STK3: variants seen among roughly 807,000 people sequenced by gnomAD.
STK3 encodes serine/threonine-protein kinase 3.
STK3 carries 41 observed loss-of-function variants against 58.0 expected under a neutral mutation model. The observed-to-expected ratio is 0.71, with a 90% CI of 0.55 to 0.92. The LOEUF (loss-of-function observed/expected upper bound fraction) is 0.92, where lower values mean the gene tolerates loss of function less well. Ranked by LOEUF, STK3 falls within the 40% of genes least tolerant of loss-of-function variation. The probability of loss-of-function intolerance (pLI) is 0.00; values close to 1 mark genes in which losing one functional copy is unlikely to be tolerated. For synonymous variants in STK3, 170 were observed against 191.0 expected, an observed-to-expected ratio of 0.89 and a Z score of 0.91; for missense variants, 479 against 602.7, an observed-to-expected ratio of 0.79 and a Z score of 2.15.
intron 10 of STK3, among the ~76,000 whole-genome samples, chr8:98,506,322 G>T (rs1034348466): frequency 6.6e-6 from 1 of 152,186 alleles, no homozygotes. Context: ...CCCTTGGCTA[G>T]GAAAGGGAAA....
chr8:98,584,883 T>C (rs1456700023), intron 7 of STK3, among the ~76,000 whole-genome samples: 2 of 151,762 alleles, frequency 1.3e-5, no homozygotes, highest in African/African-American at 4.8e-5. Flanking sequence ...GTTTTTTAGC[T>C]GCATAAATGT....
At chr8:98,650,195 A>C (rs1820768938) in intron 6 of STK3, among the ~76,000 whole-genome samples, 1 of 152,250 alleles carries the variant, frequency 6.6e-6, no homozygotes, top group African/African-American at 2.4e-5. Flanking sequence ...TTCTTTTCTA[A>C]TGTTCATACA....
At chr8:98,598,730 A>C (rs920871640) in intron 6 of STK3, 5 of 985,304 alleles carry the variant, frequency 5.1e-6, no homozygotes, top group Admixed American at 1.2e-4. Flanking sequence ...ACAGCCATAT[A>C]ATTTATCTTA....
intron 1 of STK3, among the ~76,000 whole-genome samples, chr8:98,913,063 A>T (rs542459718): frequency 6.6e-6 from 1 of 152,220 alleles, no homozygotes; most frequent in Non-Finnish European, 1.5e-5. Context: ...GTGAGCCACT[A>T]CACACAGCCC....
At chr8:98,609,962 G>A (rs543027337) in intron 6 of STK3, among the ~76,000 whole-genome samples, 9 of 144,202 alleles carry the variant, frequency 6.2e-5, no homozygotes, top group South Asian at 2.2e-4. Context: ...GTGAGACTCC[G>A]TCTCAAAAAA....
chr8:98,644,480 A>T lies in STK3; in HGVS notation c.685-48311T>A, dbSNP rs185965508. The stretch of plus-strand genomic sequence containing the variant: ...AAGTCTTTAGAAAAGCTTCTGAGAA[A>T]ATTGATTTCCTTATGTTGTTTACAG... On this transcript the variant is annotated intron_variant, in intron 6 of 10. Coordinates refer to ENST00000419617, the MANE Select transcript of STK3 (RefSeq NM_006281.4). 2.0e-4 allele frequency among the ~76,000 whole-genome samples: 31 copies of T among 152,306 alleles called. 1 individual carries two copies. Among genetic ancestry groups the T allele is most frequent in the African/African-American group, 7.2e-4 (30 of 41,590 alleles).
intron 4 of STK3, among the ~76,000 whole-genome samples, chr8:98,725,321 C>A (rs1827722044): frequency 6.6e-6 from 1 of 152,116 alleles, no homozygotes. Context: ...GACACAACCT[C>A]AAGGAAGTAA....
At chr8:98,710,852 C>G (rs532723919) in intron 4 of STK3, among the ~76,000 whole-genome samples, 2 of 152,380 alleles carry the variant, frequency 1.3e-5, no homozygotes, top group South Asian at 4.1e-4. Flanking sequence ...TCAAGTGGGT[C>G]ACTGACCCCC....
rs542627488 is a variant in STK3 at position 98,901,289 on chromosome 8, A to G, written c.-78-17455T>C. Among the ~76,000 whole-genome samples, 24 of 152,356 alleles carry G rather than the reference A, an allele frequency of 1.6e-4. No individual in the cohort carries two copies. The South Asian group carries it at 5.0e-3, about 32-fold the overall frequency. On this transcript the variant is annotated intron_variant, in intron 1 of 1. Coordinates refer to the STK3 transcript ENST00000519420. ...GAAGATTAAGTGAGGTAACACTTGT[A>G]AAGCCCCTATGCTTTTACTATTCAC...
chr8:98,931,861 G>A (rs990209923), intron 1 of STK3, among the ~76,000 whole-genome samples: 3 of 152,126 alleles, frequency 2.0e-5, no homozygotes, highest in Admixed American at 6.5e-5. Context: ...AATTGATTTC[G>A]CCTTCACTAA....
intron 4 of STK3, among the ~76,000 whole-genome samples, chr8:98,718,142 A>G (rs1464954410): frequency 6.6e-6 from 1 of 152,194 alleles, no homozygotes; most frequent in East Asian, 1.9e-4. Context: ...GGGGATGCTT[A>G]CACAACTTTA....
Position 98,455,602 on chromosome 8 carries a change from TGCAGCTGACAGAACAA to T in STK3, c.*224_*239del. ...TTTCATAACAGTTTTATTACTGGTA[TGCAGCTGACAGAACAA>T]GAGAATACACTTCTTTTGTTCTCCT... On this transcript the variant is annotated 3_prime_UTR_variant, in exon 11 of 11. Coordinates refer to ENST00000419617, the MANE Select transcript of STK3 (RefSeq NM_006281.4). 1.9e-6 allele frequency: 1 copy of T among 521,368 alleles called. No individual in the cohort carries two copies. The allele number at this position is 521,368 out of a possible 1,614,324, so 32.3% of individuals were successfully genotyped here. A position where few individuals can be genotyped will look rare whatever the true frequency, so the allele number is the denominator to read the frequency against.
intron 9 of STK3, among the ~76,000 whole-genome samples, chr8:98,541,655 G>A (rs1810288444): frequency 6.6e-6 from 1 of 152,128 alleles, no homozygotes; most frequent in African/African-American, 2.4e-5. Context: ...AAGCACATTT[G>A]AGTATAACTG....
chr8:98,892,081 A>T (rs1000776564), intron 1 of STK3, among the ~76,000 whole-genome samples: 5 of 152,198 alleles, frequency 3.3e-5, no homozygotes, highest in Non-Finnish European at 7.3e-5. Flanking sequence ...CACCCAAAAA[A>T]AAATCTATGC....
intron 1 of STK3, among the ~76,000 whole-genome samples, chr8:98,913,877 A>C (rs959383672): frequency 1.3e-5 from 2 of 152,190 alleles, no homozygotes; most frequent in Non-Finnish European, 2.9e-5. Context: ...TGAAACCCTT[A>C]AGCCTCTTTT....
At chr8:98,506,918 G>A (rs1824132526) in intron 10 of STK3, among the ~76,000 whole-genome samples, 1 of 152,122 alleles carries the variant, frequency 6.6e-6, no homozygotes, top group Non-Finnish European at 1.5e-5. Flanking sequence ...GCCCCGTTAA[G>A]ATTTAGTTTG....
At chr8:98,771,493 C>T (rs965868356) in intron 2 of STK3, among the ~76,000 whole-genome samples, 1 of 151,970 alleles carries the variant, frequency 6.6e-6, no homozygotes. Context: ...TTTCTATTTT[C>T]TTTAGTCAAC....
At chr8:98,893,626 G>C (rs1047773278) in intron 1 of STK3, among the ~76,000 whole-genome samples, 1 of 151,300 alleles carries the variant, frequency 6.6e-6, no homozygotes, top group Non-Finnish European at 1.5e-5. Context: ...GAAGGAAAAA[G>C]AACTTAAAAA....
At chr8:98,767,413 G>A (rs776325925) in intron 2 of STK3, 42 bp from the exon 3 acceptor site, 20 of 1,525,730 alleles carry the variant, frequency 1.3e-5, no homozygotes, top group Admixed American at 2.4e-5. Context: ...ATCAAACATC[G>A]TAACTATAAG....
Sources: gnomAD v4.1 joint callset for allele counts (sites outside exome capture counted in the v4.1 genomes callset) on GRCh38, gnomAD v4.1.1 for gene constraint, MANE v1.5 for transcripts, NCBI Gene and HGNC (gene_info 2026-07-23, HGNC 2026-07-21) for gene names.